Variants in SORL1 observed in about 807,000 individuals in gnomAD.
SORL1 encodes the protein sortilin related receptor 1.
Under a neutral mutation model 273.7 loss-of-function variants are expected in SORL1, and 127 were observed. That is an observed-to-expected ratio of 0.46 (90% CI 0.40 to 0.54). The LOEUF is 0.54. Ranked by LOEUF, SORL1 falls within the 20% of genes least tolerant of loss-of-function variation. The pLI, the probability that SORL1 is intolerant of heterozygous loss-of-function variation, is 0.00. For missense variants in SORL1, 2,494 were observed against 2,846.1 expected (o/e 0.88, Z 2.81); for synonymous variants, 1,031 against 1,067.4 (o/e 0.97, Z 0.66).
intron 24 of SORL1, among the ~76,000 whole-genome samples, chr11:121,575,579 C>A (rs773084186): frequency 6.6e-6 from 1 of 152,256 alleles, no homozygotes; most frequent in Non-Finnish European, 1.5e-5. Flanking sequence ...GCTTGTAAAT[C>A]ATCTCAATGC....
intron 1 of SORL1, among the ~76,000 whole-genome samples, chr11:121,466,288 C>T (rs570725396): frequency 1.3e-5 from 2 of 152,224 alleles, no homozygotes; most frequent in African/African-American, 4.8e-5. Flanking sequence ...CACTCCCAGG[C>T]CAGTGTCTTC....
rs561082583 is a variant in SORL1 at position 121,510,788 on chromosome 11, G to A, written c.940-2215G>A. Among the ~76,000 whole-genome samples, 7 of 152,224 alleles carry A rather than the reference G, an allele frequency of 4.6e-5. No homozygotes were observed. In the East Asian group the frequency reaches 1.4e-3, roughly 29 times the overall value. On this transcript the variant is annotated intron_variant, in intron 6 of 47. Coordinates refer to ENST00000260197, the MANE Select transcript of SORL1 (RefSeq NM_003105.6). ...TATGTACATATGCTTGCATGTGGTG[G>A]CACAGTACATTTCTGAAAGGATGCA... is the stretch of plus-strand genomic sequence containing the variant.
intron 35 of SORL1, among the ~76,000 whole-genome samples, chr11:121,606,464 G>A (rs907793201): frequency 6.6e-6 from 1 of 152,176 alleles, no homozygotes; most frequent in African/African-American, 2.4e-5. Context: ...TTTTTTGGTA[G>A]TCATGCCCAC....
Position 121,522,665 on chromosome 11 carries a change from T to G in SORL1, c.1484T>G (p.Leu495Arg). The G allele has an allele frequency of 6.2e-7, 1 of 1,614,188 alleles. No homozygotes were observed. Among genetic ancestry groups the G allele is most frequent in the Non-Finnish European group, 8.5e-7 (1 of 1,179,994 alleles). Residue 495 changes from leucine (L) to arginine (R), a missense_variant, in exon 10 of 48, where the codon CTG becomes CGG. Around this residue, in one of 3 missense-constraint regions of SORL1, gnomAD observed 710 missense variants for 882.5 expected, o/e 0.80. Transcript: ENST00000260197. Reference protein sequence around the residue: ...LNLQLRRMPILSKESAPGLII... With the variant: ...LNLQLRRMPIRSKESAPGLII... ...CTCCAGCTCCGGAGAATGCCCATCC[T>G]GTCCAAGGAGTCGGCTCCAGGCCTC...
At chr11:121,624,257 T>A (rs1477767826) in intron 45 of SORL1, among the ~76,000 whole-genome samples, 1 of 152,116 alleles carries the variant, frequency 6.6e-6, no homozygotes, top group Admixed American at 6.6e-5. Flanking sequence ...AGACTGTGAT[T>A]ATGCAAGGGG....
intron 23 of SORL1, among the ~76,000 whole-genome samples, chr11:121,573,572 C>T (rs1319021512): frequency 6.6e-6 from 1 of 152,174 alleles, no homozygotes; most frequent in Non-Finnish European, 1.5e-5. Context: ...GAGATTGCGC[C>T]ACTGCACTCC....
intron 18 of SORL1, among the ~76,000 whole-genome samples, chr11:121,556,485 G>A (rs2134905839): frequency 1.3e-5 from 2 of 152,314 alleles, no homozygotes; most frequent in South Asian, 4.1e-4. Flanking sequence ...CTGCCTCGGT[G>A]GTTATGTTAT....
At position 121,615,313 on chromosome 11, in the gene SORL1, C is replaced by A. The variant is rs149792045; in HGVS notation, c.5604+258C>A. On this transcript the variant is annotated intron_variant, in intron 41 of 47. Transcript: ENST00000260197. Reference sequence around the variant, plus strand: ...TCCCCTTTGCTTTTAGATCAACCGTCCCAAGGCTCTTGGCACATTCGTCCC... The same window carrying A: ...TCCCCTTTGCTTTTAGATCAACCGTACCAAGGCTCTTGGCACATTCGTCCC... Among the ~76,000 whole-genome samples, 926 of 152,236 alleles carry A rather than the reference C, an allele frequency of 6.1e-3. 6 individuals are homozygous for A. Among genetic ancestry groups the A allele is most frequent in the African/African-American group, 0.02 (846 of 41,534 alleles).
At chr11:121,547,290 A>C (rs1862441210) in intron 14 of SORL1, among the ~76,000 whole-genome samples, 1 of 149,680 alleles carries the variant, frequency 6.7e-6, no homozygotes, top group Non-Finnish European at 1.5e-5. Context: ...TAAAATTAAG[A>C]CTAAGTAAAA....
chr11:121,545,114 G>T, intron 13 of SORL1, 129 bp from the exon 14 acceptor site: 1 of 762,086 alleles, frequency 1.3e-6, no homozygotes, highest in Admixed American at 2.3e-5. Flanking sequence ...TGATTGGAGG[G>T]TCTGTGTGCT....
At chr11:121,586,881 G>A (rs948752815) in intron 27 of SORL1, among the ~76,000 whole-genome samples, 4 of 152,080 alleles carry the variant, frequency 2.6e-5, no homozygotes, top group African/African-American at 4.8e-5. Context: ...TTTAATTAGC[G>A]TAGGTGTGGC....
At position 121,622,214 on chromosome 11, in the gene SORL1, T is replaced by C. The variant is rs1420090468; in HGVS notation, c.6117T>C (p.Val2039=). The change falls in exon 45 of 48, where the codon GTT becomes GTC. Residue 2039 remains valine, a synonymous_variant. Coordinates refer to ENST00000260197, the MANE Select transcript of SORL1 (RefSeq NM_003105.6). ...AAATCATAACAGAAAATGATCATGT[T>C]CTTCTGTTTTGGAAAAGCCTGGCTT... ...ALKIITENDH[V]LLFWKSLALK... is the part of the protein sequence containing the mutation. 6.2e-7 allele frequency: 1 copy of C among 1,613,094 alleles called. No homozygotes were observed. Among genetic ancestry groups the C allele is most frequent in the African/African-American group, 1.3e-5 (1 of 75,044 alleles).
chr11:121,467,038 T>C (rs1361409921), intron 1 of SORL1, among the ~76,000 whole-genome samples: 1 of 146,952 alleles, frequency 6.8e-6, no homozygotes, highest in African/African-American at 2.6e-5. Flanking sequence ...TTCTTTTTTT[T>C]TTTTTTTTTG....
chr11:121,533,508 G>A (rs1368056214), intron 12 of SORL1, among the ~76,000 whole-genome samples: 3 of 152,102 alleles, frequency 2.0e-5, no homozygotes, highest in Non-Finnish European at 4.4e-5. Context: ...ATTACCTTTG[G>A]CTCGTTTCTG....
At chr11:121,553,843 A>C (rs1862539195) in intron 16 of SORL1, 94 bp from the exon 17 acceptor site, 1 of 1,201,294 alleles carries the variant, frequency 8.3e-7, no homozygotes, top group Non-Finnish European at 1.2e-6. Context: ...AATGAATTTG[A>C]GGTTTGTGTA....
At chr11:121,525,376 A>C (rs745760737) in intron 11 of SORL1, among the ~76,000 whole-genome samples, 3 of 152,268 alleles carry the variant, frequency 2.0e-5, no homozygotes, top group Non-Finnish European at 4.4e-5. Flanking sequence ...GTTGATAAAC[A>C]TTCCAGTTTT....
chr11:121,557,853 A>G lies in SORL1; in HGVS notation c.2663+448A>G, dbSNP rs538169734. Among the ~76,000 whole-genome samples, 18 of 152,358 alleles carry G rather than the reference A, an allele frequency of 1.2e-4. No homozygotes were observed. In the South Asian group the frequency reaches 3.7e-3, roughly 32 times the overall value. On this transcript the variant is annotated intron_variant, in intron 19 of 47. Coordinates refer to ENST00000260197, the MANE Select transcript of SORL1 (RefSeq NM_003105.6). ...AAAGGTGCTTTTTATTAACTCATTAACTGAAGGAAACATAATTAAGAGGGA... is the reference window on the plus strand; with the variant it reads ...AAAGGTGCTTTTTATTAACTCATTAGCTGAAGGAAACATAATTAAGAGGGA...
chr11:121,467,360 C>G (rs914807652), intron 1 of SORL1, among the ~76,000 whole-genome samples: 1 of 152,088 alleles, frequency 6.6e-6, no homozygotes, highest in African/African-American at 2.4e-5. Context: ...CTGAGTAGAT[C>G]GATTTCAGCA....
At position 121,591,111 on chromosome 11, in the gene SORL1, C is replaced by T. The variant is rs1469648095; in HGVS notation, c.4324C>T (p.Arg1442Ter). The T allele has an allele frequency of 1.2e-6, 2 of 1,614,070 alleles. No individual in the cohort carries two copies. Among genetic ancestry groups the T allele is most frequent in the Non-Finnish European group, 1.7e-6 (2 of 1,180,050 alleles). Reference protein sequence around the residue: ...VMDTWVCDGYRDCADGSDEEA... With the variant: ...VMDTWVCDGY Reference sequence around the variant, plus strand: ...GGACACCTGGGTGTGCGACGGGTACCGAGATTGTGCAGATGGCTCTGACGA... The same window carrying T: ...GGACACCTGGGTGTGCGACGGGTACTGAGATTGTGCAGATGGCTCTGACGA... The change falls in exon 31 of 48, where the codon CGA becomes TGA. Residue 1442 changes from arginine to a stop codon, truncating the protein, a stop_gained. Transcript: ENST00000260197. LOFTEE classifies it high-confidence loss of function.
Sources: allele counts gnomAD v4.1 joint callset (sites outside exome capture counted in the v4.1 genomes callset), GRCh38; gene constraint gnomAD v4.1.1; regional missense constraint gnomAD v4.1.1; transcripts MANE v1.5; gene names NCBI Gene and HGNC (gene_info 2026-07-23, HGNC 2026-07-21).